The following ACTN2 variants were observed in gnomAD, a reference collection of about 807,000 sequenced individuals.
The protein encoded by ACTN2 is actinin alpha 2.
A neutral mutation model predicts 113.8 loss-of-function variants in ACTN2; 39 were observed. The observed-to-expected ratio is 0.34, with a 90% CI of 0.27 to 0.45. The LOEUF (loss-of-function observed/expected upper bound fraction) is 0.45, where lower values mean the gene tolerates loss of function less well. Among genes scored for constraint, ACTN2 ranks in the 20% least tolerant of loss-of-function variants. The pLI is 1.00. For synonymous variants in ACTN2, 429 were observed against 444.1 expected, an observed-to-expected ratio of 0.97 and a Z score of 0.43; for missense variants, 992 against 1,177.9, an observed-to-expected ratio of 0.84 and a Z score of 2.31.
intron 12 of ACTN2, among the ~76,000 whole-genome samples, chr1:236,746,260 T>C (rs906666177): frequency 1.3e-5 from 2 of 152,040 alleles, no homozygotes; most frequent in African/African-American, 4.8e-5. Context: ...CTTTTCAAAG[T>C]TGTCTAATCC....
chr1:236,726,433 C>T lies in ACTN2; in HGVS notation c.536+413C>T, dbSNP rs532604760. 2.0e-5 allele frequency among the ~76,000 whole-genome samples: 3 copies of T among 152,260 alleles called. No homozygotes were observed. In the East Asian group the frequency reaches 5.8e-4, roughly 29 times the overall value. On this transcript the variant is annotated intron_variant, in intron 5 of 20. Transcript: ENST00000366578. ...CCCTCAGCCCTGTAGGAAATAGATC[C>T]TTCATCCATCAGCTTTGCTCTGCTG...
rs1480552817 is a variant in ACTN2 at position 236,762,449 on chromosome 1, A to T, written c.2527-12A>T. Reference sequence around the variant, plus strand: ...TGCAACTGACTGCAAACACGTGTGTATTTTTTCCCAGCCATACATCCTGGC... The same window carrying T: ...TGCAACTGACTGCAAACACGTGTGTTTTTTTTCCCAGCCATACATCCTGGC... On this transcript the variant is annotated splice_polypyrimidine_tract_variant and intron_variant, in intron 20 of 20. Transcript: ENST00000366578. 1.8e-5 allele frequency: 29 copies of T among 1,613,866 alleles called. No individual in the cohort carries two copies. In the Admixed American group the frequency reaches 4.8e-4, roughly 27 times the overall value.
chr1:236,725,742 T>A, intron 4 of ACTN2, among the ~76,000 whole-genome samples, 191 bp from the exon 5 acceptor site: 1 of 152,228 alleles, frequency 6.6e-6, no homozygotes, highest in East Asian at 1.9e-4. Flanking sequence ...CATTGTCCTT[T>A]TGAAGTCCCT....
At position 236,763,066 on chromosome 1, in the gene ACTN2, C is replaced by A. The variant is rs1051253; in HGVS notation, c.*447C>A. On this transcript the variant is annotated 3_prime_UTR_variant, in exon 21 of 21. Transcript: ENST00000366578. Reference sequence around the variant, plus strand: ...TATCTCTAATATGCTTATGTGATTGCCCCTAGGGGAGTATATTTGGGATTC... The same window carrying A: ...TATCTCTAATATGCTTATGTGATTGACCCTAGGGGAGTATATTTGGGATTC... 1 of 260,676 alleles carries A rather than the reference C, an allele frequency of 3.8e-6. No individual in the cohort carries two copies. Among genetic ancestry groups the A allele is most frequent in the African/African-American group, 2.3e-5 (1 of 43,200 alleles). 16.1% of individuals were successfully genotyped at this position (260,676 alleles called of 1,614,324 possible).
Position 236,735,717 on chromosome 1 carries a change from G to C in ACTN2, c.780G>C (p.Glu260Asp), listed in dbSNP as rs1242086183. The change falls in exon 8 of 21, where the codon GAG (glutamate) becomes GAC (aspartate). Residue 260 changes from glutamate to aspartate, a missense_variant. Glu to Asp is a conservative substitution (Grantham distance 45). Around this residue, in one of 3 missense-constraint regions of ACTN2, gnomAD observed 220 missense variants for 337.5 expected, o/e 0.65. Transcript: ENST00000366578. ...SCFYHAFAGA[E>D]QAETAANRIC... Reference sequence around the variant, plus strand: ...TCTACCACGCTTTTGCGGGCGCGGAGCAGGTACTCAACACTTGTCCGTCCG... The same window carrying C: ...TCTACCACGCTTTTGCGGGCGCGGACCAGGTACTCAACACTTGTCCGTCCG... The C allele has an allele frequency of 1.2e-6, 2 of 1,613,942 alleles. No homozygotes were observed. Among genetic ancestry groups the C allele is most frequent in the African/African-American group, 2.7e-5 (2 of 74,920 alleles).
At chr1:236,693,012 G>A (rs1024879183) in intron 1 of ACTN2, among the ~76,000 whole-genome samples, 19 of 152,152 alleles carry the variant, frequency 1.2e-4, no homozygotes, top group Admixed American at 5.9e-4. Flanking sequence ...GTTTCCCTGG[G>A]AACGGCACTA....
intron 4 of ACTN2, among the ~76,000 whole-genome samples, chr1:236,724,308 G>GC (rs1658484668): frequency 6.6e-6 from 1 of 152,128 alleles, no homozygotes; most frequent in Non-Finnish European, 1.5e-5. Flanking sequence ...CCTCCTAAAG[G>GC]CCCCATCTCC....
At chr1:236,736,022 G>A (rs6686148) in intron 8 of ACTN2, among the ~76,000 whole-genome samples, 9,214 of 152,288 alleles carry the variant, frequency 0.061, 332 homozygotes, top group Middle Eastern at 0.11. Context: ...TGAGCCACAT[G>A]CATTGAATGG....
chr1:236,686,597 T>C lies in ACTN2; in HGVS notation c.-77T>C. ...CGCCCGCCGCCCGCCGCCCGCCGCCTCCGTGGGTCCGTTTGCCAGTCAGCC... is the reference window on the plus strand; with the variant it reads ...CGCCCGCCGCCCGCCGCCCGCCGCCCCCGTGGGTCCGTTTGCCAGTCAGCC... On this transcript the variant is annotated 5_prime_UTR_variant, in exon 1 of 21. Coordinates refer to ENST00000366578, the MANE Select transcript of ACTN2 (RefSeq NM_001103.4). 7.0e-7 allele frequency: 1 copy of C among 1,424,206 alleles called. No individual in the cohort carries two copies. Among genetic ancestry groups the C allele is most frequent in the Admixed American group, 3.0e-5 (1 of 33,194 alleles). 88.2% of individuals were successfully genotyped at this position (1,424,206 alleles called of 1,614,324 possible). A position where few individuals can be genotyped will look rare whatever the true frequency, so the allele number is the denominator to read the frequency against.
rs559067762 is a variant in ACTN2, at chr1:236,687,628, CT to C, written c.126+835del. 1.3e-3 allele frequency among the ~76,000 whole-genome samples: 191 copies of C among 152,366 alleles called. 1 individual carries two copies. The highest frequency in any genetic ancestry group is 2.1e-3 in the Non-Finnish European group (144 of 68,038). On this transcript the variant is annotated intron_variant, in intron 1 of 20. Transcript: ENST00000366578. ...TATGGCAAAAGCCAAACGCTCTGAA[CT>C]TTTTTCCGCCTATTTTTCTGGGCGT... is the stretch of plus-strand genomic sequence containing the variant.
At chr1:236,731,152 G>A in intron 6 of ACTN2, 81 bp from the exon 7 acceptor site, 2 of 1,081,576 alleles carry the variant, frequency 1.8e-6, no homozygotes, top group Non-Finnish European at 2.9e-6. Flanking sequence ...CCGGCCTAAA[G>A]TGAGGTACAT....
At chr1:236,727,408 C>T (rs1420360664) in intron 5 of ACTN2, among the ~76,000 whole-genome samples, 1 of 152,118 alleles carries the variant, frequency 6.6e-6, no homozygotes, top group Admixed American at 6.5e-5. Context: ...AGACATCTCC[C>T]TTCCTGTCAC....
intron 7 of ACTN2, chr1:236,734,396 G>T: frequency 6.9e-7 from 1 of 1,441,560 alleles, no homozygotes; most frequent in South Asian, 1.3e-5. Flanking sequence ...GCTGGTATTA[G>T]AACATCCACG....
rs150469300 is a variant in ACTN2 at position 236,702,723 on chromosome 1, G to A, written c.127-15135G>A. Among the ~76,000 whole-genome samples, 396 of 152,288 alleles carry A rather than the reference G, an allele frequency of 2.6e-3. 9 individuals carry two copies. The highest frequency in any genetic ancestry group is 0.019 in the Admixed American group (297 of 15,292). ...AACATTGGAAATGCCCAGCTTCTCT[G>A]TTTTTATTGCATATGTTAATCAGAG... is the stretch of plus-strand genomic sequence containing the variant. On this transcript the variant is annotated intron_variant, in intron 1 of 20. Transcript: ENST00000366578.
intron 1 of ACTN2, among the ~76,000 whole-genome samples, chr1:236,702,321 G>A (rs1029239523): frequency 6.6e-6 from 1 of 152,202 alleles, no homozygotes; most frequent in East Asian, 1.9e-4. Flanking sequence ...AGAAATCTAG[G>A]CTAATGAATG....
At chr1:236,752,768 G>T (rs1160370318) in intron 15 of ACTN2, among the ~76,000 whole-genome samples, 1 of 151,134 alleles carries the variant, frequency 6.6e-6, no homozygotes, top group Non-Finnish European at 1.5e-5. Flanking sequence ...GGCCAGGCTG[G>T]TCTCAAACTC....
At chr1:236,733,189 C>T (rs1018466776) in intron 7 of ACTN2, among the ~76,000 whole-genome samples, 8 of 152,112 alleles carry the variant, frequency 5.3e-5, no homozygotes, top group African/African-American at 1.2e-4. Flanking sequence ...ATAACTATCT[C>T]GAGTTTTCCC....
intron 4 of ACTN2, among the ~76,000 whole-genome samples, chr1:236,724,371 C>T (rs1002853201): frequency 3.9e-5 from 6 of 151,976 alleles, no homozygotes; most frequent in Admixed American, 2.0e-4. Context: ...TGGTGATGGG[C>T]GGGAAGACAC....
chr1:236,721,062 C>G (rs949191727), intron 4 of ACTN2, among the ~76,000 whole-genome samples: 2 of 83,724 alleles, frequency 2.4e-5, no homozygotes, highest in Admixed American at 3.4e-4. Context: ...GAGTCTCACT[C>G]TGGCACCCAG....
Sources: allele counts gnomAD v4.1 joint callset (sites outside exome capture counted in the v4.1 genomes callset), GRCh38; gene constraint gnomAD v4.1.1; regional missense constraint gnomAD v4.1.1; transcripts MANE v1.5; gene names NCBI Gene and HGNC (gene_info 2026-07-23, HGNC 2026-07-21).